ATAD1: variants seen among roughly 807,000 people sequenced by gnomAD.
ATAD1 encodes ATPase family AAA domain containing 1, also known as outer mitochondrial transmembrane helix translocase.
A neutral mutation model predicts 42.7 loss-of-function variants in ATAD1; 18 were observed. That is an observed-to-expected ratio of 0.42 (90% CI 0.29 to 0.63). The LOEUF is 0.63. Ranked by LOEUF, ATAD1 falls within the 20% of genes least tolerant of loss-of-function variation. ATAD1 has a pLI of 0.19. For synonymous variants in ATAD1, 132 were observed against 143.1 expected, an observed-to-expected ratio of 0.92 and a Z score of 0.55; for missense variants, 294 against 440.4, an observed-to-expected ratio of 0.67 and a Z score of 2.98.
intron 2 of ATAD1, among the ~76,000 whole-genome samples, chr10:87,793,035 C>G (rs1313089224): frequency 9.2e-5 from 14 of 152,096 alleles, no homozygotes; most frequent in Non-Finnish European, 1.3e-4. Flanking sequence ...GAGGGGCTCC[C>G]ATTGTTTCAA....
intron 8 of ATAD1, among the ~76,000 whole-genome samples, chr10:87,759,503 G>A (rs527957459): frequency 1.3e-5 from 2 of 152,304 alleles, no homozygotes; most frequent in East Asian, 3.9e-4. Context: ...ACTCTGAGAT[G>A]TTAAAAATTA....
chr10:87,787,372 C>T (rs1406754076), intron 4 of ATAD1, among the ~76,000 whole-genome samples: 1 of 152,188 alleles, frequency 6.6e-6, no homozygotes, highest in Non-Finnish European at 1.5e-5. Context: ...GTAATCTCAA[C>T]ACTTTGGGAT....
intron 4 of ATAD1, among the ~76,000 whole-genome samples, chr10:87,788,155 C>T (rs1855926232): frequency 6.6e-6 from 1 of 152,200 alleles, no homozygotes; most frequent in African/African-American, 2.4e-5. Flanking sequence ...TGTATCTATA[C>T]ACAATAGTTA....
chr10:87,836,724 A>C (rs1857936481), intron 1 of ATAD1, among the ~76,000 whole-genome samples: 2 of 152,146 alleles, frequency 1.3e-5, no homozygotes, highest in South Asian at 2.1e-4. Context: ...TTTTTTACCA[A>C]ATTTAAGAAA....
rs969176593 is a variant in ATAD1, at chr10:87,752,278, T to C, written c.*2409A>G. 3.9e-5 allele frequency: 6 copies of C among 152,128 alleles called. No individual in the cohort carries two copies. The highest frequency in any genetic ancestry group is 8.8e-5 in the Non-Finnish European group (6 of 68,026). The allele number at this position is 152,128 out of a possible 1,614,324, so 9.4% of individuals were successfully genotyped here. On this transcript the variant is annotated 3_prime_UTR_variant, in exon 10 of 10. Coordinates refer to ENST00000680024, the MANE Select transcript of ATAD1 (RefSeq NM_001321967.2). ...TTTTAGAGAAACATGGCATAAATGA[T>C]CCTTTCAGTCTCAATCCCTGGAGTA...
chr10:87,807,661 T>C (rs116653377), intron 2 of ATAD1, among the ~76,000 whole-genome samples: 1,943 of 152,314 alleles, frequency 0.013, 34 homozygotes, highest in Middle Eastern at 0.078. Flanking sequence ...AGATGCATTC[T>C]ATATATGTCC....
At chr10:87,760,072 T>C (rs1428782365) in intron 8 of ATAD1, among the ~76,000 whole-genome samples, 1 of 152,188 alleles carries the variant, frequency 6.6e-6, no homozygotes, top group Non-Finnish European at 1.5e-5. Context: ...TATGCAGTTG[T>C]TTATTATTAT....
intron 8 of ATAD1, among the ~76,000 whole-genome samples, chr10:87,763,045 C>G (rs1854565348): frequency 7.6e-6 from 1 of 131,682 alleles, no homozygotes; most frequent in Non-Finnish European, 1.5e-5. Context: ...CATGCCACTG[C>G]ACTCCAGCCT....
At chr10:87,759,304 T>C (rs927360898) in intron 8 of ATAD1, among the ~76,000 whole-genome samples, 3 of 152,174 alleles carry the variant, frequency 2.0e-5, no homozygotes, top group African/African-American at 7.2e-5. Context: ...AGGTTACCAA[T>C]GACGGTGATA....
intron 4 of ATAD1, 24 bp downstream of exon 4, chr10:87,790,286 G>T: frequency 6.3e-7 from 1 of 1,597,966 alleles, no homozygotes; most frequent in South Asian, 1.1e-5. Flanking sequence ...TAATGCTTTA[G>T]GCGAATATAT....
chr10:87,766,112 A>G (rs1448383757), intron 8 of ATAD1, among the ~76,000 whole-genome samples: 4 of 152,218 alleles, frequency 2.6e-5, no homozygotes, highest in African/African-American at 4.8e-5. Flanking sequence ...ACGAAGTTCC[A>G]TAACATTCTG....
At position 87,795,250 on chromosome 10, in the gene ATAD1, A is replaced by C. The variant is rs550872153; in HGVS notation, c.163-2495T>G. Reference sequence around the variant, plus strand: ...CAGAACATGGCTGGCAAATAAATGGAACACACCAAAAAACACACCAAAACT... The same window carrying C: ...CAGAACATGGCTGGCAAATAAATGGCACACACCAAAAAACACACCAAAACT... On this transcript the variant is annotated intron_variant, in intron 2 of 9. Transcript: ENST00000680024. 3.9e-5 allele frequency among the ~76,000 whole-genome samples: 6 copies of C among 152,270 alleles called. No homozygotes were observed. In the South Asian group the frequency reaches 1.2e-3, roughly 32 times the overall value.
intron 2 of ATAD1, among the ~76,000 whole-genome samples, chr10:87,796,057 A>C (rs1409545772): frequency 6.7e-6 from 1 of 148,298 alleles, no homozygotes; most frequent in African/African-American, 2.4e-5. Flanking sequence ...CTGAGTATGT[A>C]AGTATCTTTA....
intron 1 of ATAD1, among the ~76,000 whole-genome samples, chr10:87,829,612 T>C (rs1432142098): frequency 6.6e-6 from 1 of 152,190 alleles, no homozygotes; most frequent in Non-Finnish European, 1.5e-5. Context: ...GGTCAAAATA[T>C]TAACATTAAC....
chr10:87,827,881 A>T (rs775839547), intron 1 of ATAD1, among the ~76,000 whole-genome samples: 1 of 152,232 alleles, frequency 6.6e-6, no homozygotes, highest in Non-Finnish European at 1.5e-5. Context: ...AAGCTGAAAT[A>T]GACCAAAAGC....
chr10:87,756,055 T>A (rs1589453126), intron 9 of ATAD1, among the ~76,000 whole-genome samples: 1 of 152,194 alleles, frequency 6.6e-6, no homozygotes, highest in Admixed American at 6.5e-5. Flanking sequence ...TTGCTGAAGT[T>A]TGCTATGGCA....
At chr10:87,794,721 T>C (rs1378243989) in intron 2 of ATAD1, among the ~76,000 whole-genome samples, 1 of 152,214 alleles carries the variant, frequency 6.6e-6, no homozygotes, top group Non-Finnish European at 1.5e-5. Context: ...TATTAGCTAG[T>C]TGCCCTGAAA....
chr10:87,793,252 T>C (rs1856214940), intron 2 of ATAD1, among the ~76,000 whole-genome samples: 1 of 152,192 alleles, frequency 6.6e-6, no homozygotes, highest in Admixed American at 6.5e-5. Flanking sequence ...CATATCCCAT[T>C]TTAAATTGCT....
At chr10:87,786,206 CAT>C (rs147739684) in intron 4 of ATAD1, among the ~76,000 whole-genome samples, 209 of 152,274 alleles carry the variant, frequency 1.4e-3, no homozygotes, top group East Asian at 4.2e-3. Context: ...CTTTTATACA[CAT>C]GTTACTTAAA....
Sources: gnomAD v4.1 joint callset for allele counts (sites outside exome capture counted in the v4.1 genomes callset) on GRCh38, gnomAD v4.1.1 for gene constraint, MANE v1.5 for transcripts, NCBI Gene and HGNC (gene_info 2026-07-23, HGNC 2026-07-21) for gene names.